The following CDK14 variants were observed in gnomAD, a reference collection of about 807,000 sequenced individuals.
The protein encoded by CDK14 is cyclin dependent kinase 14.
In CDK14, 34 loss-of-function variants were observed where a neutral mutation model predicts 60.7. The ratio of observed to expected loss-of-function variants is 0.56; its 90% CI spans 0.43 to 0.75. The LOEUF (loss-of-function observed/expected upper bound fraction) is 0.75, where lower values mean the gene tolerates loss of function less well. Ranked by LOEUF, CDK14 falls within the 30% of genes least tolerant of loss-of-function variation. The pLI is 0.00. For missense variants in CDK14, 482 were observed against 564.1 expected, an observed-to-expected ratio of 0.85 and a Z score of 1.47; for synonymous variants, 197 against 203.7, an observed-to-expected ratio of 0.97 and a Z score of 0.28.
In CDK14 at chr7:90,610,606, T is replaced by G. The variant is rs1051212020; in HGVS notation, c.123+6357T>G. On this transcript the variant is annotated intron_variant, in intron 2 of 14. Coordinates refer to ENST00000380050, the MANE Select transcript of CDK14 (RefSeq NM_001287135.2). ...TGGAGACCAGAAGTCTGACAAACAG[T>G]AGCAGAGTTGGTTCTTTCAGAGGAC... Among the ~76,000 whole-genome samples the G allele has an allele frequency of 1.6e-4, 24 of 152,342 alleles. 1 individual carries two copies. Among genetic ancestry groups the G allele is most frequent in the African/African-American group, 5.8e-4 (24 of 41,576 alleles).
intron 12 of CDK14, among the ~76,000 whole-genome samples, chr7:91,081,325 T>A (rs1309545807): frequency 6.6e-6 from 1 of 152,218 alleles, no homozygotes; most frequent in African/African-American, 2.4e-5. Flanking sequence ...ATTAAAAGAC[T>A]ATTACGCGAG....
chr7:90,980,761 C>G (rs191937682), intron 9 of CDK14, among the ~76,000 whole-genome samples: 1 of 152,194 alleles, frequency 6.6e-6, no homozygotes, highest in Admixed American at 6.5e-5. Context: ...AAATGAAAAT[C>G]CAAGTCTTAG....
At chr7:90,711,883 TG>T (rs1186472147) in intron 2 of CDK14, among the ~76,000 whole-genome samples, 2 of 103,690 alleles carry the variant, frequency 1.9e-5, no homozygotes, top group Non-Finnish European at 4.4e-5. Context: ...TAGTCTACTA[TG>T]TTTTTTTTTT....
chr7:90,967,544 G>A (rs188705147), intron 9 of CDK14, among the ~76,000 whole-genome samples: 13 of 152,060 alleles, frequency 8.5e-5, no homozygotes, highest in Non-Finnish European at 1.3e-4. Context: ...GTGTGGTGGT[G>A]GTTTATAATC....
chr7:90,773,190 C>G (rs1324770032), intron 4 of CDK14, among the ~76,000 whole-genome samples: 1 of 152,100 alleles, frequency 6.6e-6, no homozygotes, highest in Non-Finnish European at 1.5e-5. Flanking sequence ...AAGCAGAGTA[C>G]TTTTGATGAA....
intron 2 of CDK14, among the ~76,000 whole-genome samples, chr7:90,672,371 T>C (rs1293418959): frequency 1.3e-5 from 2 of 151,934 alleles, no homozygotes; most frequent in African/African-American, 4.9e-5. Flanking sequence ...ATAGCTTTTC[T>C]GTGTGGACCT....
At chr7:90,880,333 T>C (rs113855194) in intron 6 of CDK14, among the ~76,000 whole-genome samples, 102 of 152,304 alleles carry the variant, frequency 6.7e-4, no homozygotes, top group African/African-American at 2.2e-3. Context: ...GCCATAGTGC[T>C]TCTTCAGGCC....
At chr7:91,120,229 A>G (rs1799739719) in intron 14 of CDK14, among the ~76,000 whole-genome samples, 1 of 152,170 alleles carries the variant, frequency 6.6e-6, no homozygotes, top group African/African-American at 2.4e-5. Context: ...AGCCAGTCAA[A>G]GCTGCTAGAA....
At chr7:91,133,345 T>G (rs1474937367) in intron 14 of CDK14, among the ~76,000 whole-genome samples, 1 of 152,106 alleles carries the variant, frequency 6.6e-6, no homozygotes, top group Non-Finnish European at 1.5e-5. Context: ...ACCAAATTCC[T>G]TAAACCACCT....
chr7:91,164,985 T>C (rs566554296), intron 14 of CDK14, among the ~76,000 whole-genome samples: 2 of 152,322 alleles, frequency 1.3e-5, no homozygotes, highest in South Asian at 4.1e-4. Flanking sequence ...GATATTTTTG[T>C]TTAAAAGACT....
chr7:91,183,076 T>C (rs911994237), intron 14 of CDK14, among the ~76,000 whole-genome samples: 4 of 152,194 alleles, frequency 2.6e-5, no homozygotes, highest in African/African-American at 4.8e-5. Flanking sequence ...TCAGGATATA[T>C]GATTCAAAGC....
intron 12 of CDK14, among the ~76,000 whole-genome samples, chr7:91,108,045 C>T (rs754384523): frequency 5.3e-5 from 8 of 152,222 alleles, no homozygotes; most frequent in African/African-American, 1.4e-4. Flanking sequence ...CAGTGGCTCA[C>T]GCCTGTAATC....
chr7:90,983,740 C>T (rs937117841), intron 9 of CDK14, among the ~76,000 whole-genome samples: 3 of 151,656 alleles, frequency 2.0e-5, no homozygotes, highest in Non-Finnish European at 2.9e-5. Flanking sequence ...AGCTGGAGGC[C>T]ATTATGCTAA....
chr7:90,810,890 C>T (rs1772644419), intron 5 of CDK14, among the ~76,000 whole-genome samples: 1 of 151,824 alleles, frequency 6.6e-6, no homozygotes, highest in Non-Finnish European at 1.5e-5. Flanking sequence ...AATAAAATAT[C>T]TAGGAATCCA....
intron 7 of CDK14, 57 bp from the exon 8 acceptor site, chr7:90,917,544 G>A (rs1793118289): frequency 6.3e-7 from 1 of 1,577,070 alleles, no homozygotes; most frequent in East Asian, 2.3e-5. Context: ...CAGACTGTAT[G>A]TAGAAACTGG....
At chr7:91,060,268 T>C (rs1186392336) in intron 11 of CDK14, among the ~76,000 whole-genome samples, 8 of 151,708 alleles carry the variant, frequency 5.3e-5, no homozygotes, top group Non-Finnish European at 1.0e-4. Flanking sequence ...TCTTCCTCTA[T>C]CCCTTTATTT....
Position 91,068,807 on chromosome 7 carries a change from T to TA in CDK14, c.1106-10600dup, listed in dbSNP as rs57179045. On this transcript the variant is annotated intron_variant, in intron 11 of 14. Transcript: ENST00000380050. ...TAGAAGCCAGAGTGATACCTTATAT[T>TA]AAAAAAAAAAAAAAAAAAAAAAAAA... is the stretch of plus-strand genomic sequence containing the variant. Among the ~76,000 whole-genome samples the TA allele has an allele frequency of 7.4e-3, 511 of 68,776 alleles. 10 individuals are homozygous for TA. The highest frequency in any genetic ancestry group is 0.032 in the Middle Eastern group (2 of 62). 45.1% of individuals were successfully genotyped at this position (68,776 alleles called of 152,430 possible). A position where few individuals can be genotyped will look rare whatever the true frequency, so the allele number is the denominator to read the frequency against.
At chr7:90,998,843 C>T (rs1047477519) in intron 10 of CDK14, among the ~76,000 whole-genome samples, 2 of 152,050 alleles carry the variant, frequency 1.3e-5, no homozygotes, top group African/African-American at 2.4e-5. Flanking sequence ...GAGCGGAGAT[C>T]GCGCCACTGC....
intron 2 of CDK14, among the ~76,000 whole-genome samples, chr7:90,659,307 A>G: frequency 6.6e-6 from 1 of 152,208 alleles, no homozygotes; most frequent in South Asian, 2.1e-4. Flanking sequence ...ACGAACCCAA[A>G]GCAAGACAAT....
Sources: allele counts gnomAD v4.1 joint callset (sites outside exome capture counted in the v4.1 genomes callset), GRCh38; gene constraint gnomAD v4.1.1; transcripts MANE v1.5; gene names NCBI Gene and HGNC (gene_info 2026-07-23, HGNC 2026-07-21).